The following LRFN2 variants were observed in gnomAD, a reference collection of about 807,000 sequenced individuals.
The protein encoded by LRFN2 is leucine-rich repeat and fibronectin type-III domain-containing protein 2.
Under a neutral mutation model 37.3 loss-of-function variants are expected in LRFN2, and 18 were observed. The ratio of observed to expected loss-of-function variants is 0.48; its 90% CI spans 0.33 to 0.72. LRFN2 has a LOEUF of 0.72. Ranked by LOEUF, LRFN2 falls within the 30% of genes least tolerant of loss-of-function variation. The pLI is 0.02. For synonymous variants in LRFN2, 556 were observed against 466.6 expected (o/e 1.19, Z -2.47); for missense variants, 1,006 against 1,060.7 (o/e 0.95, Z 0.72).
At chr6:40,549,547 A>T (rs1766729482) in intron 1 of LRFN2, among the ~76,000 whole-genome samples, 1 of 152,244 alleles carries the variant, frequency 6.6e-6, no homozygotes, top group South Asian at 2.1e-4. Flanking sequence ...GAGAAAAAAA[A>T]TGGCTTTGCT....
At chr6:40,512,156 C>T (rs73734516) in intron 1 of LRFN2, among the ~76,000 whole-genome samples, 4,584 of 152,232 alleles carry the variant, frequency 0.03, 237 homozygotes, top group African/African-American at 0.1. Flanking sequence ...GGAGAACTGA[C>T]GTGTCCCGCG....
At chr6:40,583,760 A>T (rs1205931161) in intron 1 of LRFN2, among the ~76,000 whole-genome samples, 1 of 151,804 alleles carries the variant, frequency 6.6e-6, no homozygotes, top group African/African-American at 2.4e-5. Flanking sequence ...TTCAATCACA[A>T]CCCCTGCCCA....
intron 1 of LRFN2, among the ~76,000 whole-genome samples, chr6:40,533,431 AAG>A (rs1469827524): frequency 1.3e-5 from 2 of 149,940 alleles, no homozygotes; most frequent in Non-Finnish European, 3.0e-5. Context: ...GAGAGAGAGA[AAG>A]AGAGAGAGGG....
At chr6:40,448,233 A>C (rs1764018840) in intron 1 of LRFN2, among the ~76,000 whole-genome samples, 2 of 152,166 alleles carry the variant, frequency 1.3e-5, no homozygotes, top group Admixed American at 1.3e-4. Flanking sequence ...GAAGAGGAGA[A>C]GCAGAGCCAA....
chr6:40,458,418 C>A (rs573256278), intron 1 of LRFN2, among the ~76,000 whole-genome samples: 8 of 152,274 alleles, frequency 5.3e-5, no homozygotes, highest in African/African-American at 1.4e-4. Flanking sequence ...GCAAAAAGTC[C>A]AAAGTTCTCT....
intron 2 of LRFN2, among the ~76,000 whole-genome samples, chr6:40,417,342 C>T (rs577156287): frequency 1.3e-4 from 20 of 152,270 alleles, no homozygotes; most frequent in African/African-American, 3.9e-4. Context: ...GACCTGTCCA[C>T]GCACACCTTG....
At chr6:40,398,417 C>CTGCT in intron 2 of LRFN2, among the ~76,000 whole-genome samples, 1 of 151,878 alleles carries the variant, frequency 6.6e-6, no homozygotes, top group Non-Finnish European at 1.5e-5. Flanking sequence ...CGACCTTCTG[C>CTGCT]TGCTGCTCTG....
chr6:40,536,248 G>T (rs1405185937), intron 1 of LRFN2, among the ~76,000 whole-genome samples: 2 of 152,064 alleles, frequency 1.3e-5, no homozygotes, highest in African/African-American at 2.4e-5. Context: ...CAGTCTGAGG[G>T]GAGACACAGC....
chr6:40,451,583 G>C (rs552288432), intron 1 of LRFN2, among the ~76,000 whole-genome samples: 33 of 152,322 alleles, frequency 2.2e-4, no homozygotes, highest in African/African-American at 7.0e-4. Flanking sequence ...CACCTCTCTA[G>C]TCTGGCCACG....
At chr6:40,496,699 T>G (rs1412744101) in intron 1 of LRFN2, among the ~76,000 whole-genome samples, 4 of 152,052 alleles carry the variant, frequency 2.6e-5, no homozygotes, top group African/African-American at 4.8e-5. Flanking sequence ...CACTAATCTA[T>G]TTTATCTTCT....
intron 1 of LRFN2, among the ~76,000 whole-genome samples, chr6:40,548,567 G>A: frequency 6.6e-6 from 1 of 152,204 alleles, no homozygotes; most frequent in East Asian, 1.9e-4. Context: ...TCAGGAGTAT[G>A]TACAGCTATT....
chr6:40,508,028 GCA>G (rs1405514036), intron 1 of LRFN2, among the ~76,000 whole-genome samples: 2 of 152,206 alleles, frequency 1.3e-5, no homozygotes, highest in Non-Finnish European at 2.9e-5. Flanking sequence ...CTGCAGCACA[GCA>G]CAGAGTTAAC....
At position 40,392,563 on chromosome 6, in the gene LRFN2, G is replaced by C. The variant is rs1267164315; in HGVS notation, c.1750C>G (p.Pro584Ala). Reference protein sequence around the residue: ...NVYSQTNGAQPPPPSSAPAGA... With the variant: ...NVYSQTNGAQAPPPSSAPAGA... ...GCTGGTGCGCTGCTTGGAGGCGGTGGCTGGGCGCCGTTGGTCTGCGAGTAC... is the reference window on the plus strand; with the variant it reads ...GCTGGTGCGCTGCTTGGAGGCGGTGCCTGGGCGCCGTTGGTCTGCGAGTAC... Residue 584 changes from proline (P) to alanine (A), a missense_variant, in exon 3 of 3, where the codon CCA becomes GCA. Coordinates refer to ENST00000338305, the MANE Select transcript of LRFN2 (RefSeq NM_020737.3). The surrounding 1 kb of genome is among the most constrained non-coding windows in gnomAD (Gnocchi z 4.7). The C allele has an allele frequency of 6.2e-7, 1 of 1,602,494 alleles. No individual in the cohort carries two copies. The highest frequency in any genetic ancestry group is 1.3e-5 in the African/African-American group (1 of 74,850).
chr6:40,436,273 A>G (rs1763672879), intron 1 of LRFN2, among the ~76,000 whole-genome samples: 1 of 152,224 alleles, frequency 6.6e-6, no homozygotes, highest in South Asian at 2.1e-4. Flanking sequence ...TGTGAACTGT[A>G]GCTCACAGAC....
At chr6:40,434,669 G>C (rs1407725707) in intron 1 of LRFN2, among the ~76,000 whole-genome samples, 1 of 151,590 alleles carries the variant, frequency 6.6e-6, no homozygotes, top group Non-Finnish European at 1.5e-5. Flanking sequence ...GTAGAGACAG[G>C]GTTTCACCAT....
At chr6:40,507,087 G>A (rs552164425) in intron 1 of LRFN2, among the ~76,000 whole-genome samples, 70 of 152,270 alleles carry the variant, frequency 4.6e-4, no homozygotes, top group East Asian at 7.7e-4. Flanking sequence ...TCCGCTCCCC[G>A]CGTGGATGAC....
At chr6:40,539,714 A>G (rs1209751834) in intron 1 of LRFN2, among the ~76,000 whole-genome samples, 1 of 152,206 alleles carries the variant, frequency 6.6e-6, no homozygotes, top group Admixed American at 6.5e-5. Context: ...GCCCAAGACA[A>G]CTGGTTGGTT....
rs205517 is a variant in LRFN2, at chr6:40,514,613, C to A, written c.-19+72328G>T. Among the ~76,000 whole-genome samples the A allele has an allele frequency of 2.0e-3, 311 of 152,286 alleles. 2 individuals carry two copies. Among genetic ancestry groups the A allele is most frequent in the African/African-American group, 7.2e-3 (298 of 41,552 alleles). On this transcript the variant is annotated intron_variant, in intron 1 of 2. Transcript: ENST00000338305. Reference sequence around the variant, plus strand: ...TACAGGTGTGAGCCACCACACCCAGCCATATGTTACATGTGACTAGGTAAA... The same window carrying A: ...TACAGGTGTGAGCCACCACACCCAGACATATGTTACATGTGACTAGGTAAA...
intron 2 of LRFN2, among the ~76,000 whole-genome samples, chr6:40,417,798 C>G (rs915935496): frequency 2.6e-5 from 4 of 152,166 alleles, no homozygotes; most frequent in Admixed American, 6.5e-5. Context: ...GGCGCACACC[C>G]TAATCTCCTC....
Sources: allele counts gnomAD v4.1 joint callset (sites outside exome capture counted in the v4.1 genomes callset), GRCh38; gene constraint gnomAD v4.1.1; non-coding constraint Gnocchi (gnomAD v3.1); transcripts MANE v1.5; gene names NCBI Gene and HGNC (gene_info 2026-07-23, HGNC 2026-07-21).